The following SYNC variants were observed in gnomAD, a reference collection of about 807,000 sequenced individuals.
The protein encoded by SYNC is syncoilin.
In SYNC, 38 loss-of-function variants were observed where a neutral mutation model predicts 49.5. The observed-to-expected ratio is 0.77, with a 90% CI of 0.59 to 1.01. The LOEUF is 1.01. SYNC is among the 50% of genes least tolerant of loss of function. The pLI is 0.00. For missense variants in SYNC, 579 were observed against 580.6 expected (o/e 1.00, Z 0.03); for synonymous variants, 201 against 230.8 (o/e 0.87, Z 1.17).
chr1:32,700,351 G>A (rs759056407), intron 1 of SYNC, among the ~76,000 whole-genome samples: 8 of 152,156 alleles, frequency 5.3e-5, no homozygotes, highest in Non-Finnish European at 1.0e-4. Context: ...TGACTTCACC[G>A]TGTTCAAGAT....
rs769666605 is a variant in SYNC, at chr1:32,695,207, C to T, written c.891G>A (p.Lys297=). Residue 297 remains lysine, a synonymous_variant, in exon 2 of 5, where the codon AAG becomes AAA. Coordinates refer to ENST00000409190, the MANE Select transcript of SYNC (RefSeq NM_030786.3). ...ELAQLRDAYQ[K]QKEQLRQQLE... ...GTTGTTGCCGCAGCTGCTCCTTCTG[C>T]TTCTGATAGGCATCCCGGAGCTGGG... is the stretch of plus-strand genomic sequence containing the variant. 1 of 1,556,448 alleles carries T rather than the reference C, an allele frequency of 6.4e-7. No homozygotes were observed. The highest frequency in any genetic ancestry group is 1.2e-5 in the South Asian group (1 of 85,278).
Position 32,702,355 on chromosome 1 carries a change from TGGAA to T in SYNC, c.53+249_53+252del, listed in dbSNP as rs1650699793. On this transcript the variant is annotated intron_variant, in intron 1 of 4. Coordinates refer to ENST00000409190, the MANE Select transcript of SYNC (RefSeq NM_030786.3). This position sits in a 1 kb window ranked among gnomAD's most constrained non-coding sequence, Gnocchi z 6.2. ...CTTGAGCGGTGGATGCCCACTCGCC[TGGAA>T]GGGTTAATTTTCATGTAGTCCCGGG... is the stretch of plus-strand genomic sequence containing the variant. Among the ~76,000 whole-genome samples, 1 of 152,144 alleles carries T rather than the reference TGGAA, an allele frequency of 6.6e-6. No homozygotes were observed. Among genetic ancestry groups the T allele is most frequent in the Non-Finnish European group, 1.5e-5 (1 of 68,008 alleles).
rs1047138419 is a variant in SYNC at position 32,695,747 on chromosome 1, C to A, written c.351G>T (p.Arg117=). The A allele has an allele frequency of 7.1e-6, 11 of 1,551,518 alleles. No individual in the cohort carries two copies. The Admixed American group carries it at 1.2e-4, about 17-fold the overall frequency. ...VCVEETTEPD[R]IQFVEGPVEP... is the part of the protein sequence containing the mutation. ...CCACGGGCCCCTCCACAAACTGTAT[C>A]CGATCTGGCTCCGTGGTTTCCTCCA... The change falls in exon 2 of 5, where the codon CGG becomes CGT. Residue 117 remains arginine (R), a synonymous_variant. Coordinates refer to ENST00000409190, the MANE Select transcript of SYNC (RefSeq NM_030786.3).
chr1:32,689,672 G>T (rs1383935606), intron 2 of SYNC, among the ~76,000 whole-genome samples: 1 of 152,102 alleles, frequency 6.6e-6, no homozygotes, highest in Non-Finnish European at 1.5e-5. Flanking sequence ...GCCGGGCGTG[G>T]TGGCTCATGC....
chr1:32,702,673 C>T lies in SYNC; in HGVS notation c.-13G>A. The stretch of plus-strand genomic sequence containing the variant: ...CCGGGCTGGCCATGGCTGCGCGACC[C>T]CGGGCTGGCGGCCGCGTTATTAATA... On this transcript the variant is annotated 5_prime_UTR_variant, in exon 1 of 5. Transcript: ENST00000409190. This position sits in a 1 kb window ranked among gnomAD's most constrained non-coding sequence, Gnocchi z 6.2. The T allele has an allele frequency of 1.7e-6, 2 of 1,179,078 alleles. No individual in the cohort carries two copies. Among genetic ancestry groups the T allele is most frequent in the South Asian group, 8.4e-5 (2 of 23,906 alleles). 73.0% of individuals were successfully genotyped at this position (1,179,078 alleles called of 1,614,324 possible).
At chr1:32,697,079 C>G (rs1650465505) in intron 1 of SYNC, among the ~76,000 whole-genome samples, 1 of 151,988 alleles carries the variant, frequency 6.6e-6, no homozygotes, top group African/African-American at 2.4e-5. Context: ...ACTGGATTTA[C>G]CTGATTCTTC....
rs1431159158 is a variant in SYNC at position 32,681,497 on chromosome 1, TAC to T, written c.*351_*352del. 2 of 279,272 alleles carry T rather than the reference TAC, an allele frequency of 7.2e-6. No individual in the cohort carries two copies. The highest frequency in any genetic ancestry group is 1.0e-4 in the Admixed American group (2 of 19,414). The allele number at this position is 279,272 out of a possible 1,614,324, so 17.3% of individuals were successfully genotyped here. A position where few individuals can be genotyped will look rare whatever the true frequency, so the allele number is the denominator to read the frequency against. On this transcript the variant is annotated 3_prime_UTR_variant, in exon 5 of 5. Coordinates refer to ENST00000409190, the MANE Select transcript of SYNC (RefSeq NM_030786.3). The stretch of plus-strand genomic sequence containing the variant: ...TGGTTTGGGTCAACACAAGGCAAGA[TAC>T]ATTCTTTAAAATACTCCCAGATGTG...
chr1:32,684,347 CT>C lies in SYNC; in HGVS notation c.1268del (p.Gln423ArgfsTer2). 6.2e-7 allele frequency: 1 copy of C among 1,614,206 alleles called. No homozygotes were observed. Among genetic ancestry groups the C allele is most frequent in the Non-Finnish European group, 8.5e-7 (1 of 1,180,042 alleles). ...QLEEMEERQR[Q>X]LRNGVQLQQQ... ...GCTGGAGTTGCACCCCATTTCTTAA[CT>C]GCCTCTGGCGTTCTTCCATTTCCTC... On this transcript the variant is annotated frameshift_variant, in exon 3 of 5. Coordinates refer to ENST00000409190, the MANE Select transcript of SYNC (RefSeq NM_030786.3). LOFTEE classifies it high-confidence loss of function.
At chr1:32,697,472 G>A (rs905844057) in intron 1 of SYNC, among the ~76,000 whole-genome samples, 2 of 150,642 alleles carry the variant, frequency 1.3e-5, no homozygotes, top group African/African-American at 4.9e-5. Flanking sequence ...GGTCAAGTGC[G>A]GTGGCTCATG....
intron 2 of SYNC, among the ~76,000 whole-genome samples, chr1:32,691,696 G>A (rs1650175210): frequency 6.6e-6 from 1 of 152,022 alleles, no homozygotes; most frequent in African/African-American, 2.4e-5. Flanking sequence ...GATATGTTGA[G>A]TTAGATAAAA....
intron 2 of SYNC, among the ~76,000 whole-genome samples, chr1:32,687,855 A>ATTATTAAATAATAATATT (rs1553199382): frequency 3.0e-5 from 4 of 135,516 alleles, no homozygotes; most frequent in Non-Finnish European, 4.7e-5. Flanking sequence ...TATTATTATT[A>ATTATTAAATAATAATATT]TTATTATTTT....
intron 2 of SYNC, among the ~76,000 whole-genome samples, chr1:32,689,494 C>G (rs1650055780): frequency 6.6e-6 from 1 of 151,694 alleles, no homozygotes; most frequent in Non-Finnish European, 1.5e-5. Flanking sequence ...TGCGCCCGGC[C>G]ACACATACTA....
At chr1:32,691,237 C>A (rs1557873578) in intron 2 of SYNC, among the ~76,000 whole-genome samples, 1 of 142,186 alleles carries the variant, frequency 7.0e-6, no homozygotes, top group African/African-American at 2.6e-5. Flanking sequence ...AAAAAAACAA[C>A]AAAAAAAATT....
At chr1:32,701,542 G>T (rs1650669741) in intron 1 of SYNC, among the ~76,000 whole-genome samples, 1 of 152,150 alleles carries the variant, frequency 6.6e-6, no homozygotes, top group Non-Finnish European at 1.5e-5. Context: ...TAAAACCCAG[G>T]CCTCCTGACC....
chr1:32,703,415 C>T (rs1393468421), upstream of SYNC: 1 of 152,946 alleles, frequency 6.5e-6, no homozygotes, highest in Admixed American at 6.5e-5. Context: ...CCTGCTCCAC[C>T]TGTCACCCCA....
intron 2 of SYNC, among the ~76,000 whole-genome samples, 191 bp downstream of exon 2, chr1:32,694,674 C>T (rs1212943811): frequency 6.6e-6 from 1 of 150,858 alleles, no homozygotes; most frequent in Admixed American, 6.6e-5. Context: ...AAACAAAAAA[C>T]AGTGCAGATA....
Position 32,680,728 on chromosome 1 carries a change from A to C in SYNC, c.*1122T>G. On this transcript the variant is annotated 3_prime_UTR_variant, in exon 5 of 5. Coordinates refer to ENST00000409190, the MANE Select transcript of SYNC (RefSeq NM_030786.3). The stretch of plus-strand genomic sequence containing the variant: ...TCTCTGGCTTCTAGAAGAGTCCTTC[A>C]GATGACAGTTGTTGTCCATGGTCTT... 1 of 564,730 alleles carries C rather than the reference A, an allele frequency of 1.8e-6. No homozygotes were observed. The highest frequency in any genetic ancestry group is 3.1e-6 in the Non-Finnish European group (1 of 322,320). The allele number at this position is 564,730 out of a possible 1,614,324, so 35.0% of individuals were successfully genotyped here.
intron 2 of SYNC, among the ~76,000 whole-genome samples, chr1:32,691,071 A>G (rs1323137406): frequency 6.6e-6 from 1 of 152,174 alleles, no homozygotes; most frequent in African/African-American, 2.4e-5. Context: ...AGAAAAAATT[A>G]GCCAGCTATG....
At chr1:32,696,696 C>T (rs1308376977) in intron 1 of SYNC, among the ~76,000 whole-genome samples, 2 of 152,144 alleles carry the variant, frequency 1.3e-5, no homozygotes, top group East Asian at 1.9e-4. Context: ...GATCTGCCCG[C>T]CTCGGCCTCC....
Sources: allele counts gnomAD v4.1 joint callset (sites outside exome capture counted in the v4.1 genomes callset), GRCh38; gene constraint gnomAD v4.1.1; non-coding constraint Gnocchi (gnomAD v3.1); transcripts MANE v1.5; gene names NCBI Gene and HGNC (gene_info 2026-07-23, HGNC 2026-07-21).